Variants in PTPN14 observed in about 807,000 individuals in gnomAD.
PTPN14 encodes the protein protein tyrosine phosphatase non-receptor type 14, also known as tyrosine-protein phosphatase non-receptor type 14.
Under a neutral mutation model 126.8 loss-of-function variants are expected in PTPN14, and 53 were observed. The ratio of observed to expected loss-of-function variants is 0.42; its 90% CI spans 0.34 to 0.53. The LOEUF is 0.53. PTPN14 is among the 20% of genes least tolerant of loss of function. The pLI is 0.08. For synonymous variants in PTPN14, 630 were observed against 599.3 expected (o/e 1.05, Z -0.75); for missense variants, 1,257 against 1,552.9 (o/e 0.81, Z 3.20).
intron 1 of PTPN14, among the ~76,000 whole-genome samples, chr1:214,474,226 C>G (rs1337250178): frequency 6.6e-6 from 1 of 152,326 alleles, no homozygotes; most frequent in East Asian, 1.9e-4. Context: ...GCAACCTGAT[C>G]TATGTAGAAC....
chr1:214,416,741 G>A (rs1232633439), intron 3 of PTPN14, among the ~76,000 whole-genome samples: 1 of 152,190 alleles, frequency 6.6e-6, no homozygotes, highest in Non-Finnish European at 1.5e-5. Context: ...TAAGACTGCA[G>A]AAACGAGAAT....
intron 1 of PTPN14, among the ~76,000 whole-genome samples, chr1:214,500,636 A>G (rs1401762930): frequency 6.6e-6 from 1 of 152,192 alleles, no homozygotes; most frequent in Non-Finnish European, 1.5e-5. Context: ...AGACAGAAAC[A>G]ATCAATTCAC....
intron 11 of PTPN14, among the ~76,000 whole-genome samples, 179 bp from the exon 12 acceptor site, chr1:214,387,101 C>G (rs1658637325): frequency 6.6e-6 from 1 of 152,146 alleles, no homozygotes. Context: ...CATCTCATCA[C>G]TAAGTTTGGA....
At chr1:214,525,500 T>A (rs947310462) in intron 1 of PTPN14, among the ~76,000 whole-genome samples, 3 of 152,230 alleles carry the variant, frequency 2.0e-5, no homozygotes, top group Admixed American at 6.5e-5. Context: ...AATTTACTAT[T>A]TAAATTTGCT....
At chr1:214,419,900 T>G (rs950259910) in intron 3 of PTPN14, among the ~76,000 whole-genome samples, 3 of 152,194 alleles carry the variant, frequency 2.0e-5, no homozygotes, top group Non-Finnish European at 4.4e-5. Flanking sequence ...ATAAATACTA[T>G]GTATGCAGGC....
rs1659729799 is a variant in PTPN14, at chr1:214,428,612, A to AC, written c.345-13887_345-13886insG. On this transcript the variant is annotated intron_variant, in intron 3 of 18. Transcript: ENST00000366956. Reference sequence around the variant, plus strand: ...TATCTTTATAGAACGAAGTCCACACATATTTCCCTCTGATTTCTATTATTT... The same window carrying AC: ...TATCTTTATAGAACGAAGTCCACACACTATTTCCCTCTGATTTCTATTATTT... Among the ~76,000 whole-genome samples, 3 of 152,304 alleles carry AC rather than the reference A, an allele frequency of 2.0e-5. No homozygotes were observed. In the South Asian group the frequency reaches 6.2e-4, roughly 32 times the overall value.
chr1:214,426,766 C>T (rs999791161), intron 3 of PTPN14, among the ~76,000 whole-genome samples: 3 of 152,130 alleles, frequency 2.0e-5, no homozygotes, highest in Admixed American at 1.3e-4. Flanking sequence ...AGAATAGGAG[C>T]GCATTAAATG....
chr1:214,399,586 A>G (rs1004691314), intron 7 of PTPN14, among the ~76,000 whole-genome samples: 15 of 152,250 alleles, frequency 9.9e-5, no homozygotes, highest in Non-Finnish European at 1.0e-4. Context: ...CACAGAGGCC[A>G]AAACTTTCAC....
intron 3 of PTPN14, among the ~76,000 whole-genome samples, chr1:214,419,286 G>A (rs770440604): frequency 8.6e-5 from 13 of 152,008 alleles, no homozygotes; most frequent in Non-Finnish European, 1.6e-4. Flanking sequence ...CATCACACAC[G>A]GCTCCTGGTC....
intron 1 of PTPN14, among the ~76,000 whole-genome samples, chr1:214,478,407 CT>C (rs138807240): frequency 0.015 from 2,325 of 152,130 alleles, 63 homozygotes; most frequent in African/African-American, 0.053. Flanking sequence ...AACCAGTTAC[CT>C]TGTGTATGTT....
intron 1 of PTPN14, among the ~76,000 whole-genome samples, chr1:214,521,994 T>C (rs1289410701): frequency 7.0e-6 from 1 of 143,318 alleles, no homozygotes; most frequent in Non-Finnish European, 1.5e-5. Flanking sequence ...TGGAATGCAG[T>C]GGCACGATCT....
Position 214,516,284 on chromosome 1 carries a change from GTGTTT to G in PTPN14, c.-155+34894_-155+34898del, listed in dbSNP as rs145743498. Among the ~76,000 whole-genome samples, 894 of 152,324 alleles carry G rather than the reference GTGTTT, an allele frequency of 5.9e-3. 4 individuals are homozygous for G. Among genetic ancestry groups the G allele is most frequent in the African/African-American group, 0.02 (827 of 41,568 alleles). ...GAATAATTTCTCTATGATGCCTTGT[GTGTTT>G]TGGTTTTGTTTTCAGTGCCAACAAT... On this transcript the variant is annotated intron_variant, in intron 1 of 18. Coordinates refer to ENST00000366956, the MANE Select transcript of PTPN14 (RefSeq NM_005401.5).
In PTPN14 at chr1:214,391,099, C is replaced by G. The variant is rs11120307; in HGVS notation, c.930-54G>C. 0.38 allele frequency: 514,971 copies of G among 1,338,204 alleles called. 101,367 individuals are homozygous for G. The highest frequency in any genetic ancestry group is 0.52 in the African/African-American group (35,501 of 68,188). 82.9% of individuals were successfully genotyped at this position (1,338,204 alleles called of 1,614,324 possible). On this transcript the variant is annotated intron_variant, in intron 10 of 18. Transcript: ENST00000366956. ...GGTTATTATTATTGATATAAAAAGA[C>G]CAGATAGACAAGGGAAGGAGAGGAA...
chr1:214,546,561 C>T (rs961942056), intron 1 of PTPN14, among the ~76,000 whole-genome samples: 1 of 152,184 alleles, frequency 6.6e-6, no homozygotes, highest in African/African-American at 2.4e-5. Context: ...CTTAGGAATA[C>T]AGTTCAGCAC....
chr1:214,423,147 G>C (rs554593353), intron 3 of PTPN14, among the ~76,000 whole-genome samples: 64 of 152,068 alleles, frequency 4.2e-4, no homozygotes, highest in African/African-American at 1.4e-3. Context: ...GAGGGAAAGG[G>C]GGGAGGGAGG....
chr1:214,481,608 C>T (rs983126833), intron 1 of PTPN14, among the ~76,000 whole-genome samples: 1 of 151,446 alleles, frequency 6.6e-6, no homozygotes, highest in Non-Finnish European at 1.5e-5. Flanking sequence ...GACACTGGAG[C>T]CTTATGAAGT....
intron 1 of PTPN14, among the ~76,000 whole-genome samples, chr1:214,487,608 T>C (rs1293986853): frequency 7.2e-6 from 1 of 139,352 alleles, no homozygotes; most frequent in Non-Finnish European, 1.5e-5. Flanking sequence ...CACTCCAGCC[T>C]GGGAGACAGA....
intron 16 of PTPN14, among the ~76,000 whole-genome samples, chr1:214,369,901 TAA>T (rs1658175242): frequency 6.6e-6 from 1 of 152,210 alleles, no homozygotes; most frequent in South Asian, 2.1e-4. Context: ...ATGGAAAATT[TAA>T]AAGATTCACA....
intron 10 of PTPN14, among the ~76,000 whole-genome samples, chr1:214,393,399 C>T (rs1331423200): frequency 2.0e-5 from 3 of 152,194 alleles, no homozygotes; most frequent in African/African-American, 4.8e-5. Context: ...GGAACTGCAC[C>T]GCTTCTCCAA....
Sources: allele counts gnomAD v4.1 joint callset (sites outside exome capture counted in the v4.1 genomes callset), GRCh38; gene constraint gnomAD v4.1.1; transcripts MANE v1.5; gene names NCBI Gene and HGNC (gene_info 2026-07-23, HGNC 2026-07-21).